HOMER1: variants seen among roughly 807,000 people sequenced by gnomAD.
HOMER1 encodes homer protein homolog 1.
A neutral mutation model predicts 48.9 loss-of-function variants in HOMER1; 3 were observed. The ratio of observed to expected loss-of-function variants is 0.06; its 90% confidence interval spans 0.03 to 0.16. HOMER1 has a LOEUF of 0.16. Ranked by LOEUF, HOMER1 falls within the 10% of genes least tolerant of loss-of-function variation. The pLI, the probability that HOMER1 is intolerant of heterozygous loss-of-function variation, is 1.00. For missense variants in HOMER1, 247 were observed against 411.4 expected, an observed-to-expected ratio of 0.60 and a Z score of 3.46; for synonymous variants, 134 against 146.4, an observed-to-expected ratio of 0.92 and a Z score of 0.61.
At chr5:79,396,727 A>C (rs1749395660) in intron 8 of HOMER1, 96 bp downstream of exon 8, 2 of 605,358 alleles carry the variant, frequency 3.3e-6, no homozygotes, top group South Asian at 5.3e-5. Context: ...ATGACCAAAA[A>C]CCTACAAAAT....
chr5:79,433,624 T>C (rs1467208417), intron 5 of HOMER1, among the ~76,000 whole-genome samples: 1 of 152,182 alleles, frequency 6.6e-6, no homozygotes, highest in Admixed American at 6.5e-5. Flanking sequence ...TTAGTTTGCA[T>C]TTATTCTGTT....
At chr5:79,442,595 T>G (rs574238437) in intron 4 of HOMER1, among the ~76,000 whole-genome samples, 18 of 152,346 alleles carry the variant, frequency 1.2e-4, no homozygotes, top group African/African-American at 4.1e-4. Context: ...CAATAAAACC[T>G]GAAATTAAAT....
At chr5:79,402,852 T>A (rs1749568540) in intron 5 of HOMER1, among the ~76,000 whole-genome samples, 1 of 152,342 alleles carries the variant, frequency 6.6e-6, no homozygotes, top group African/African-American at 2.4e-5. Flanking sequence ...ATTTATTTCA[T>A]CTTATTCAGG....
intron 1 of HOMER1, among the ~76,000 whole-genome samples, chr5:79,509,227 A>G (rs1752865852): frequency 6.6e-6 from 1 of 152,188 alleles, no homozygotes; most frequent in South Asian, 2.1e-4. Context: ...AGAAGTTCCC[A>G]TAGGCAGGTG....
At chr5:79,387,615 T>C (rs1472757507) in intron 8 of HOMER1, among the ~76,000 whole-genome samples, 3 of 152,108 alleles carry the variant, frequency 2.0e-5, no homozygotes, top group Admixed American at 1.3e-4. Flanking sequence ...GGGTAAAACA[T>C]ACACACATTT....
At chr5:79,495,067 C>A (rs1228972020) in intron 1 of HOMER1, among the ~76,000 whole-genome samples, 2 of 152,002 alleles carry the variant, frequency 1.3e-5, no homozygotes, top group Non-Finnish European at 1.5e-5. Context: ...CATTAAATAT[C>A]TATATATATT....
intron 8 of HOMER1, among the ~76,000 whole-genome samples, chr5:79,390,961 G>C (rs1460245717): frequency 2.6e-5 from 4 of 151,420 alleles, no homozygotes; most frequent in African/African-American, 9.7e-5. Context: ...CCTACAGCCT[G>C]AAACACATAT....
chr5:79,501,231 A>C (rs150470645), intron 1 of HOMER1, among the ~76,000 whole-genome samples: 6 of 152,112 alleles, frequency 3.9e-5, no homozygotes, highest in Non-Finnish European at 7.4e-5. Flanking sequence ...TGGGCCTCCC[A>C]AAGTGCTGGG....
intron 1 of HOMER1, among the ~76,000 whole-genome samples, chr5:79,459,689 T>C (rs1317225680): frequency 1.3e-5 from 2 of 152,220 alleles, no homozygotes; most frequent in African/African-American, 2.4e-5. Context: ...AGATGGTCCC[T>C]GCCCTTGAAA....
intron 8 of HOMER1, among the ~76,000 whole-genome samples, chr5:79,387,773 G>A (rs898765386): frequency 6.6e-6 from 1 of 152,118 alleles, no homozygotes; most frequent in Non-Finnish European, 1.5e-5. Context: ...ATAGATTTCT[G>A]GGCAGCCAAG....
intron 1 of HOMER1, among the ~76,000 whole-genome samples, chr5:79,500,123 T>A (rs1416281573): frequency 2.6e-5 from 4 of 152,090 alleles, no homozygotes; most frequent in Non-Finnish European, 4.4e-5. Flanking sequence ...AAAAGAAAAT[T>A]TGTGAAACTA....
intron 1 of HOMER1, among the ~76,000 whole-genome samples, chr5:79,512,500 A>G (rs1752970465): frequency 6.6e-6 from 1 of 152,256 alleles, no homozygotes; most frequent in East Asian, 1.9e-4. Flanking sequence ...CTGACCAGTA[A>G]AGTGTAGAAT....
chr5:79,471,998 C>T (rs1751634734), intron 1 of HOMER1, among the ~76,000 whole-genome samples: 1 of 152,170 alleles, frequency 6.6e-6, no homozygotes, highest in African/African-American at 2.4e-5. Flanking sequence ...TCCCTCTTCC[C>T]TTTATTTCTT....
intron 1 of HOMER1, among the ~76,000 whole-genome samples, chr5:79,503,776 T>C (rs1752673711): frequency 6.6e-6 from 1 of 152,042 alleles, no homozygotes; most frequent in South Asian, 2.1e-4. Flanking sequence ...AAAATGTATT[T>C]ACTATCCATT....
chr5:79,401,054 T>C (rs1489684170), intron 6 of HOMER1, among the ~76,000 whole-genome samples: 5 of 151,692 alleles, frequency 3.3e-5, no homozygotes, highest in African/African-American at 1.2e-4. Context: ...CTTCTGATAT[T>C]AATGGTATTG....
intron 1 of HOMER1, among the ~76,000 whole-genome samples, chr5:79,485,409 A>G (rs905498392): frequency 6.6e-6 from 1 of 152,100 alleles, no homozygotes; most frequent in Admixed American, 6.6e-5. Context: ...TCGCATCCTC[A>G]CCCTAAGCTA....
chr5:79,464,452 A>T (rs1273365355), intron 1 of HOMER1, among the ~76,000 whole-genome samples: 1 of 152,236 alleles, frequency 6.6e-6, no homozygotes, highest in Non-Finnish European at 1.5e-5. Flanking sequence ...TAAGTCCAGG[A>T]ATAGACGGAC....
intron 1 of HOMER1, among the ~76,000 whole-genome samples, chr5:79,482,668 A>T (rs1229248844): frequency 6.6e-6 from 1 of 152,118 alleles, no homozygotes; most frequent in Non-Finnish European, 1.5e-5. Flanking sequence ...AAGCAACCTA[A>T]TATGCATGCA....
intron 5 of HOMER1, among the ~76,000 whole-genome samples, chr5:79,436,329 AG>A (rs548502431): frequency 1.0e-3 from 158 of 152,310 alleles, no homozygotes; most frequent in Admixed American, 2.9e-3. Context: ...CTCCTAGGAT[AG>A]GAACAGTTAC....
Sources: allele counts gnomAD v4.1 joint callset (sites outside exome capture counted in the v4.1 genomes callset), GRCh38; gene constraint gnomAD v4.1.1; transcripts MANE v1.5; gene names NCBI Gene and HGNC (gene_info 2026-07-23, HGNC 2026-07-21).